The following LONP1 variants were observed in gnomAD, a reference collection of about 807,000 sequenced individuals.
The protein encoded by LONP1 is lon peptidase 1, mitochondrial.
In LONP1, 31 loss-of-function variants were observed where a neutral mutation model predicts 98.5. The observed-to-expected ratio is 0.31, with a 90% CI of 0.24 to 0.42. The LOEUF (loss-of-function observed/expected upper bound fraction) is 0.42, where lower values mean the gene tolerates loss of function less well. LONP1 is among the 20% of genes least tolerant of loss of function. The pLI is 1.00. For synonymous variants in LONP1, 781 were observed against 594.7 expected, an observed-to-expected ratio of 1.31 and a Z score of -4.56; for missense variants, 1,336 against 1,350.6, an observed-to-expected ratio of 0.99 and a Z score of 0.17.
At chr19:5,702,336 C>T (rs1309111350) in intron 8 of LONP1, among the ~76,000 whole-genome samples, 2 of 149,580 alleles carry the variant, frequency 1.3e-5, no homozygotes, top group Non-Finnish European at 3.0e-5. Context: ...AGCCAGCCGC[C>T]CCGTCCGGGA....
At chr19:5,694,702 G>A in intron 14 of LONP1, 59 bp downstream of exon 14, 2 of 1,575,184 alleles carry the variant, frequency 1.3e-6, no homozygotes, top group Non-Finnish European at 1.7e-6. Flanking sequence ...AAGGTGGGGT[G>A]ATCAGCGTGG....
At chr19:5,697,714 TTAA>T (rs1568314636) in intron 10 of LONP1, among the ~76,000 whole-genome samples, 1 of 151,694 alleles carries the variant, frequency 6.6e-6, no homozygotes, top group Non-Finnish European at 1.5e-5. Flanking sequence ...TTTGCTGCTG[TTAA>T]TAACAACGAT....
At position 5,719,973 on chromosome 19, in the gene LONP1, G is replaced by A. The variant is rs2055408415; in HGVS notation, c.160C>T (p.Leu54=). The A allele has an allele frequency of 6.3e-7, 1 of 1,582,220 alleles. No homozygotes were observed. The highest frequency in any genetic ancestry group is 8.6e-7 in the Non-Finnish European group (1 of 1,166,092). The change falls in exon 1 of 18, where the codon CTG becomes TTG. Residue 54 remains leucine, a synonymous_variant. Transcript: ENST00000360614. ...RTCDASPPWA[L]WGRGPAIGGQ... ...CCAATTGCCGGGCCTCGGCCCCACA[G>A]TGCCCAAGGAGGAGAGGCGTCGCAG...
chr19:5,710,431 T>G (rs1374523273), intron 4 of LONP1, among the ~76,000 whole-genome samples: 3 of 152,074 alleles, frequency 2.0e-5, no homozygotes, highest in Non-Finnish European at 4.4e-5. Flanking sequence ...GGTCTCACTC[T>G]GTTGCCCAGG....
chr19:5,718,055 A>G (rs2485279), intron 1 of LONP1, among the ~76,000 whole-genome samples: 91,064 of 151,854 alleles, frequency 0.6, 28,373 homozygotes, highest in Middle Eastern at 0.74. Flanking sequence ...TAAGACACTA[A>G]TATGTCCAGG....
At chr19:5,708,025 G>T (rs58336764) in intron 5 of LONP1, 199 bp from the exon 6 acceptor site, 2 of 650,166 alleles carry the variant, frequency 3.1e-6, no homozygotes, top group Admixed American at 2.9e-5. Flanking sequence ...AAGGCATGCA[G>T]CATCCTCACG....
At chr19:5,716,261 T>TATATATAC (rs1555714158) in intron 1 of LONP1, among the ~76,000 whole-genome samples, 1 of 20,504 alleles carries the variant, frequency 4.9e-5, no homozygotes, top group Non-Finnish European at 1.1e-4. Context: ...AAAATATACA[T>TATATATAC]ATATATATAT....
At chr19:5,698,546 C>G (rs760761353) in intron 10 of LONP1, among the ~76,000 whole-genome samples, 118 of 152,328 alleles carry the variant, frequency 7.7e-4, no homozygotes, top group Middle Eastern at 3.4e-3. Context: ...AGTGAGCCCA[C>G]AGAGGCGCCA....
rs750616938 is a variant in LONP1 at position 5,693,714 on chromosome 19, G to A, written c.2376C>T (p.Ala792=). ...TSLRRPQDKD[A]KGDKDGSLEV... The stretch of plus-strand genomic sequence containing the variant: ...CCAGGCTGCCATCCTTGTCACCCTT[G>A]GCATCCTTGTCCTGTGGCCGTCTCA... The change falls in exon 16 of 18, where the codon GCC becomes GCT. Residue 792 remains alanine (A), a synonymous_variant. Coordinates refer to ENST00000360614, the MANE Select transcript of LONP1 (RefSeq NM_004793.4). 9 of 1,613,934 alleles carry A rather than the reference G, an allele frequency of 5.6e-6. No homozygotes were observed. In the African/African-American group the frequency reaches 9.3e-5, roughly 17 times the overall value.
rs552366352 is a variant in LONP1 at position 5,719,851 on chromosome 19, G to C, written c.282C>G (p.Ala94=). The C allele has an allele frequency of 1.8e-5, 29 of 1,605,394 alleles. No individual in the cohort carries two copies. In the African/African-American group the frequency reaches 3.8e-4, roughly 21 times the overall value. The part of the protein sequence containing the change: ...DASEGGAEEG[A]GGAGGSAGAG... ...CGCCCGCGCTGCCCCCCGCGCCGCC[G>C]GCTCCTTCCTCCGCGCCGCCCTCGG... Residue 94 remains alanine (A), a synonymous_variant, in exon 1 of 18, where the codon GCC becomes GCG. Transcript: ENST00000360614.
rs753099856 is a variant in LONP1, at chr19:5,705,971, T to C, written c.1168A>G (p.Thr390Ala). The change falls in exon 8 of 18, where the codon ACC becomes GCC. Residue 390 changes from threonine (T) to alanine (A), a missense_variant. By Grantham distance (58) the Thr-to-Ala change is moderately conservative. Around this residue, in one of 5 missense-constraint regions of LONP1, gnomAD observed 219 missense variants for 241.0 expected, o/e 0.91. Coordinates refer to ENST00000360614, the MANE Select transcript of LONP1 (RefSeq NM_004793.4). ...GREVEEKIKQ[T>A]HRKYLLQEQL... ...TCCTGCAGCAGGTACTTACGGTGGG[T>C]CTGCTTGATCTTCTCCTCCACCTGT... The C allele has an allele frequency of 6.2e-7, 1 of 1,612,588 alleles. No homozygotes were observed. Among genetic ancestry groups the C allele is most frequent in the South Asian group, 1.1e-5 (1 of 91,080 alleles).
Position 5,713,266 on chromosome 19 carries a change from A to C in LONP1, c.519-13T>G. On this transcript the variant is annotated splice_polypyrimidine_tract_variant and intron_variant, in intron 2 of 17. Transcript: ENST00000360614. ...ATCCGACTCATTGCTGTGGGAGAAGAGCACAGAGGAATGTTGGAACATGGC... is the reference window on the plus strand; with the variant it reads ...ATCCGACTCATTGCTGTGGGAGAAGCGCACAGAGGAATGTTGGAACATGGC... 1 of 1,613,806 alleles carries C rather than the reference A, an allele frequency of 6.2e-7. No individual in the cohort carries two copies. Among genetic ancestry groups the C allele is most frequent in the Non-Finnish European group, 8.5e-7 (1 of 1,179,744 alleles).
At chr19:5,695,864 C>T (rs766014178) in intron 13 of LONP1, among the ~76,000 whole-genome samples, 190 bp downstream of exon 13, 8 of 152,216 alleles carry the variant, frequency 5.3e-5, no homozygotes, top group South Asian at 4.1e-4. Flanking sequence ...CTAAACCCTG[C>T]GCCCACTCGC....
Position 5,713,200 on chromosome 19 carries a change from A to G in LONP1, c.572T>C (p.Phe191Ser), listed in dbSNP as rs754509691. 1.9e-6 allele frequency: 3 copies of G among 1,614,172 alleles called. No individual in the cohort carries two copies. The highest frequency in any genetic ancestry group is 2.5e-6 in the Non-Finnish European group (3 of 1,180,034). ...SLDEIYHTGTFAQIHEMQDLG... is the reference protein window; with the variant it reads ...SLDEIYHTGTSAQIHEMQDLG... ...GTCCTGCATCTCATGGATCTGGGCA[A>G]ACGTCCCCGTGTGGTAGATTTCATC... is the stretch of plus-strand genomic sequence containing the variant. The change falls in exon 3 of 18, where the codon TTT becomes TCT. Residue 191 changes from phenylalanine (F) to serine (S), a missense_variant. By Grantham distance (155) the Phe-to-Ser change is radical. Coordinates refer to ENST00000360614, the MANE Select transcript of LONP1 (RefSeq NM_004793.4).
chr19:5,719,875 G>A lies in LONP1; in HGVS notation c.258C>T (p.Ser86=), dbSNP rs1287435360. The change falls in exon 1 of 18, where the codon TCC becomes TCT. Residue 86 remains serine, a synonymous_variant. Transcript: ENST00000360614. The part of the protein sequence containing the change: ...GGAFSGGEDA[S]EGGAEEGAGG... ...CGGCTCCTTCCTCCGCGCCGCCCTC[G>A]GAGGCGTCCTCGCCCCCCGAGAATG... 5.0e-6 allele frequency: 8 copies of A among 1,584,962 alleles called. No homozygotes were observed. Among genetic ancestry groups the A allele is most frequent in the Non-Finnish European group, 6.9e-6 (8 of 1,166,170 alleles).
rs753201164 is a variant in LONP1 at position 5,699,065 on chromosome 19, G to A, written c.1647C>T (p.Val549=). Residue 549 remains valine (V), a synonymous_variant, in exon 10 of 18, where the codon GTC becomes GTT. Coordinates refer to ENST00000360614, the MANE Select transcript of LONP1 (RefSeq NM_004793.4). The stretch of plus-strand genomic sequence containing the variant: ...TCTCAGCCACGTCAGTCATGCCCCC[G>A]ACGCTGAAGCGGAAGTACTCTCGGT... ...ALNREYFRFS[V]GGMTDVAEIK... is the part of the protein sequence containing the mutation. The A allele has an allele frequency of 3.1e-5, 50 of 1,608,950 alleles. No individual in the cohort carries two copies. Among genetic ancestry groups the A allele is most frequent in the East Asian group, 9.0e-5 (4 of 44,458 alleles).
rs755117405 is a variant in LONP1, at chr19:5,699,158, G to A, written c.1554C>T (p.Ile518=). Residue 518 remains isoleucine (I), a synonymous_variant, in exon 10 of 18, where the codon ATC becomes ATT. Transcript: ENST00000360614. Reference sequence around the variant, plus strand: ...CGCCAGGGGGGCCATAGAAGCAGAGGATCTTGCCCTGGGTGGAGCCGCGGA... The same window carrying A: ...CGCCAGGGGGGCCATAGAAGCAGAGAATCTTGCCCTGGGTGGAGCCGCGGA... ...SQLRGSTQGK[I]LCFYGPPGVG... 9 of 1,547,466 alleles carry A rather than the reference G, an allele frequency of 5.8e-6. No individual in the cohort carries two copies. The highest frequency in any genetic ancestry group is 2.4e-5 in the East Asian group (1 of 41,786).
chr19:5,708,462 G>T, intron 4 of LONP1, 59 bp from the exon 5 acceptor site: 8 of 711,672 alleles, frequency 1.1e-5, no homozygotes, highest in East Asian at 2.7e-5. Context: ...GGGGTGGGCT[G>T]GGTGGGAGCA....
chr19:5,694,156 C>T (rs375838494), intron 15 of LONP1, among the ~76,000 whole-genome samples: 7 of 152,190 alleles, frequency 4.6e-5, no homozygotes, highest in Non-Finnish European at 8.8e-5. Flanking sequence ...TACCTGTAAG[C>T]CTATCAAAGT....
Sources: gnomAD v4.1 joint callset for allele counts (sites outside exome capture counted in the v4.1 genomes callset) on GRCh38, gnomAD v4.1.1 for gene constraint, gnomAD v4.1.1 regional missense constraint, MANE v1.5 for transcripts, NCBI Gene and HGNC (gene_info 2026-07-23, HGNC 2026-07-21) for gene names.